DLGAP2: variants seen among roughly 807,000 people sequenced by gnomAD.
DLGAP2 encodes the protein disks large-associated protein 2.
In DLGAP2, 26 loss-of-function variants were observed where a neutral mutation model predicts 100.3. That is an observed-to-expected ratio of 0.26 (90% confidence interval 0.19 to 0.36). The LOEUF (loss-of-function observed/expected upper bound fraction) is 0.36, where lower values mean the gene tolerates loss of function less well. Among genes scored for constraint, DLGAP2 ranks in the 10% least tolerant of loss-of-function variants. The probability of loss-of-function intolerance (pLI) is 1.00; values close to 1 mark genes in which losing one functional copy is unlikely to be tolerated. For missense variants in DLGAP2, 1,858 were observed against 1,453.2 expected, an observed-to-expected ratio of 1.28 and a Z score of -4.53; for synonymous variants, 886 against 630.1, an observed-to-expected ratio of 1.41 and a Z score of -6.08.
intron 2 of DLGAP2, among the ~76,000 whole-genome samples, chr8:1,012,467 C>G (rs928852945): frequency 6.6e-6 from 1 of 151,554 alleles, no homozygotes; most frequent in Non-Finnish European, 1.5e-5. Context: ...GAACTTCCAG[C>G]GGCAGTGTGG....
chr8:1,391,018 G>A (rs1034944886), intron 3 of DLGAP2, among the ~76,000 whole-genome samples: 3 of 152,186 alleles, frequency 2.0e-5, no homozygotes, highest in Non-Finnish European at 2.9e-5. Flanking sequence ...CCCCCCATGT[G>A]GGGTCATCTG....
At position 1,702,134 on chromosome 8, in the gene DLGAP2, A is replaced by G. The variant is rs1799590988; in HGVS notation, c.*728A>G. 1 of 152,244 alleles carries G rather than the reference A, an allele frequency of 6.6e-6. No individual in the cohort carries two copies. Among genetic ancestry groups the G allele is most frequent in the East Asian group, 1.9e-4 (1 of 5,198 alleles). The allele number at this position is 152,244 out of a possible 1,614,324, so 9.4% of individuals were successfully genotyped here. A position where few individuals can be genotyped will look rare whatever the true frequency, so the allele number is the denominator to read the frequency against. The stretch of plus-strand genomic sequence containing the variant: ...AAAAGATAAGCTGAGTGTTCCCACC[A>G]GGAAGTCACGCGCAGAGAGGAGAGT... On this transcript the variant is annotated 3_prime_UTR_variant, in exon 15 of 15. Transcript: ENST00000637795.
intron 2 of DLGAP2, among the ~76,000 whole-genome samples, chr8:1,121,263 A>G (rs1304025694): frequency 6.6e-6 from 1 of 151,700 alleles, no homozygotes; most frequent in African/African-American, 2.4e-5. Context: ...GTCCCTTCAG[A>G]ACCCATGACC....
At chr8:882,792 C>T (rs1797836643) in intron 1 of DLGAP2, among the ~76,000 whole-genome samples, 1 of 152,276 alleles carries the variant, frequency 6.6e-6, no homozygotes, top group Non-Finnish European at 1.5e-5. Context: ...GGCAGCCGTG[C>T]CTGGCCCAGC....
At chr8:1,682,685 G>C (rs1798984825) in intron 12 of DLGAP2, among the ~76,000 whole-genome samples, 1 of 151,366 alleles carries the variant, frequency 6.6e-6, no homozygotes, top group Non-Finnish European at 1.5e-5. Flanking sequence ...TGTTGGCCAG[G>C]ATAATCGTGA....
At chr8:1,059,840 C>T (rs1022265314) in intron 2 of DLGAP2, among the ~76,000 whole-genome samples, 7 of 152,092 alleles carry the variant, frequency 4.6e-5, no homozygotes, top group East Asian at 1.9e-4. Context: ...GCAGTGGGAC[C>T]GACCATATGG....
intron 2 of DLGAP2, among the ~76,000 whole-genome samples, chr8:933,126 C>T (rs976509712): frequency 6.6e-6 from 1 of 152,260 alleles, no homozygotes. Context: ...GTGGCAGCTG[C>T]TGTCTGTTCC....
chr8:1,505,906 T>C (rs1022060879), intron 4 of DLGAP2, among the ~76,000 whole-genome samples: 21 of 152,206 alleles, frequency 1.4e-4, no homozygotes, highest in African/African-American at 4.6e-4. Context: ...GACCCAAATT[T>C]TGCATTGATA....
At chr8:1,550,024 T>C (rs1179002180) in intron 5 of DLGAP2, among the ~76,000 whole-genome samples, 1 of 152,168 alleles carries the variant, frequency 6.6e-6, no homozygotes, top group Non-Finnish European at 1.5e-5. Context: ...CTCCCAATTC[T>C]TCCCCATCCC....
At chr8:1,431,224 C>G (rs528023758) in intron 3 of DLGAP2, among the ~76,000 whole-genome samples, 50 of 152,352 alleles carry the variant, frequency 3.3e-4, no homozygotes, top group African/African-American at 1.2e-3. Flanking sequence ...GTTACATTTT[C>G]TGTCAATCTG....
chr8:1,213,703 C>T (rs763488667), intron 2 of DLGAP2, among the ~76,000 whole-genome samples: 1 of 152,096 alleles, frequency 6.6e-6, no homozygotes, highest in Admixed American at 6.5e-5. Context: ...CTCTAATATC[C>T]AAGGGCCCTC....
intron 2 of DLGAP2, among the ~76,000 whole-genome samples, chr8:1,021,754 A>G (rs562752773): frequency 1.3e-5 from 2 of 152,264 alleles, no homozygotes; most frequent in African/African-American, 4.8e-5. Flanking sequence ...TCTTCTGCCC[A>G]TCTCCCTGTG....
At chr8:1,448,861 T>C (rs1285714800) in intron 3 of DLGAP2, among the ~76,000 whole-genome samples, 1 of 152,218 alleles carries the variant, frequency 6.6e-6, no homozygotes, top group East Asian at 1.9e-4. Flanking sequence ...GATTCTAATG[T>C]TGATCCTGAC....
intron 2 of DLGAP2, among the ~76,000 whole-genome samples, chr8:1,102,095 A>G (rs887787109): frequency 6.6e-6 from 1 of 151,796 alleles, no homozygotes; most frequent in African/African-American, 2.4e-5. Flanking sequence ...CATATTATAA[A>G]ACAACATATG....
chr8:989,942 C>T (rs918949502), intron 2 of DLGAP2, among the ~76,000 whole-genome samples: 1 of 152,054 alleles, frequency 6.6e-6, no homozygotes, highest in African/African-American at 2.4e-5. Context: ...TGAAATGTCG[C>T]TGTTGGGTGT....
chr8:808,922 T>C (rs966793283), intron 1 of DLGAP2, among the ~76,000 whole-genome samples: 3 of 138,166 alleles, frequency 2.2e-5, no homozygotes, highest in Non-Finnish European at 4.8e-5. Context: ...TTTTTTTTTT[T>C]CTGAGATGGA....
At chr8:1,502,894 G>GT (rs555472251) in intron 4 of DLGAP2, among the ~76,000 whole-genome samples, 34 of 152,294 alleles carry the variant, frequency 2.2e-4, no homozygotes, top group Non-Finnish European at 3.7e-4. Context: ...GGTACCTGGG[G>GT]TGGTTCTGCT....
chr8:1,182,224 C>A (rs1266597624), intron 2 of DLGAP2, among the ~76,000 whole-genome samples: 2 of 152,234 alleles, frequency 1.3e-5, no homozygotes, highest in Non-Finnish European at 2.9e-5. Flanking sequence ...ACTGTGCGTT[C>A]CCAACAGGGG....
At chr8:1,542,561 C>T (rs889009874) in intron 4 of DLGAP2, among the ~76,000 whole-genome samples, 2 of 152,044 alleles carry the variant, frequency 1.3e-5, no homozygotes, top group African/African-American at 4.8e-5. Context: ...TGGTGCAGCA[C>T]GTTTCTGGGC....
Sources: allele counts gnomAD v4.1 joint callset (sites outside exome capture counted in the v4.1 genomes callset), GRCh38; gene constraint gnomAD v4.1.1; transcripts MANE v1.5; gene names NCBI Gene and HGNC (gene_info 2026-07-23, HGNC 2026-07-21).